MALRD1: variants seen among roughly 807,000 people sequenced by gnomAD.
MALRD1 encodes the protein MAM and LDL receptor class A domain containing 1, also known as MAM and LDL-receptor class A domain-containing protein 1.
A neutral mutation model predicts 242.1 loss-of-function variants in MALRD1; 247 were observed. That is an observed-to-expected ratio of 1.02 (90% CI 0.92 to 1.13). The LOEUF is 1.13. Ranked by LOEUF, MALRD1 falls within the 50% of genes most tolerant of loss-of-function variation. The pLI, the probability that MALRD1 is intolerant of heterozygous loss-of-function variation, is 0.00. For missense variants in MALRD1, 2,989 were observed against 2,533.1 expected, an observed-to-expected ratio of 1.18 and a Z score of -3.86; for synonymous variants, 995 against 866.6, an observed-to-expected ratio of 1.15 and a Z score of -2.60.
At chr10:19,329,278 C>G (rs1490756975) in intron 23 of MALRD1, among the ~76,000 whole-genome samples, 1 of 152,114 alleles carries the variant, frequency 6.6e-6, no homozygotes, top group African/African-American at 2.4e-5. Context: ...CTTCGTGATT[C>G]TGCCATTTTT....
Position 19,427,561 on chromosome 10 carries a change from G to A in MALRD1, c.4846-22746G>A, listed in dbSNP as rs191318985. ...AGTTCCTAGTAGTGGATGGTAGCAC[G>A]GACATCAAATTCAAACAAATCTGGG... On this transcript the variant is annotated intron_variant, in intron 28 of 39. Transcript: ENST00000454679. Among the ~76,000 whole-genome samples the A allele has an allele frequency of 7.9e-5, 12 of 152,114 alleles. No individual in the cohort carries two copies. The East Asian group carries it at 1.4e-3, about 17-fold the overall frequency.
At chr10:19,655,822 G>A (rs1414859230) in intron 36 of MALRD1, among the ~76,000 whole-genome samples, 3 of 151,982 alleles carry the variant, frequency 2.0e-5, no homozygotes, top group Admixed American at 1.3e-4. Context: ...ATTTCAGGCA[G>A]TAGAGTGTAT....
intron 21 of MALRD1, among the ~76,000 whole-genome samples, chr10:19,304,529 A>G (rs2131966673): frequency 6.6e-6 from 1 of 151,882 alleles, no homozygotes; most frequent in South Asian, 2.1e-4. Flanking sequence ...CATCAATTTC[A>G]AAGGGATACA....
At chr10:19,329,079 C>A (rs1392795718) in intron 23 of MALRD1, among the ~76,000 whole-genome samples, 1 of 152,168 alleles carries the variant, frequency 6.6e-6, no homozygotes, top group Non-Finnish European at 1.5e-5. Context: ...TTCTGAATTT[C>A]TAGTTTTTCA....
intron 26 of MALRD1, among the ~76,000 whole-genome samples, chr10:19,364,245 T>G (rs996265159): frequency 2.6e-5 from 4 of 152,130 alleles, no homozygotes; most frequent in East Asian, 1.9e-4. Context: ...ATATAATTGT[T>G]TAATAACAAC....
chr10:19,278,235 G>GT (rs1840631134), intron 19 of MALRD1, among the ~76,000 whole-genome samples: 1 of 152,118 alleles, frequency 6.6e-6, no homozygotes. Flanking sequence ...ATTCACACAA[G>GT]TTTTTTCTCA....
chr10:19,097,717 A>G (rs887736454), intron 4 of MALRD1, among the ~76,000 whole-genome samples: 11 of 152,132 alleles, frequency 7.2e-5, no homozygotes, highest in African/African-American at 2.7e-4. Context: ...CTGTTAAGGG[A>G]CCAGATTGAT....
intron 21 of MALRD1, among the ~76,000 whole-genome samples, chr10:19,288,450 C>T (rs961754713): frequency 2.6e-5 from 4 of 152,032 alleles, no homozygotes; most frequent in African/African-American, 9.7e-5. Flanking sequence ...TCCTGCTACC[C>T]TTCCCAGCAA....
intron 18 of MALRD1, among the ~76,000 whole-genome samples, chr10:19,244,299 G>A (rs778168478): frequency 6.6e-5 from 10 of 152,108 alleles, no homozygotes; most frequent in Non-Finnish European, 1.2e-4. Flanking sequence ...GTTGCTGGGC[G>A]TAGTGGCTGT....
intron 21 of MALRD1, among the ~76,000 whole-genome samples, chr10:19,284,374 T>C (rs1307744349): frequency 2.0e-5 from 3 of 149,598 alleles, no homozygotes; most frequent in Non-Finnish European, 4.4e-5. Context: ...TAGCATTAGG[T>C]ATATCTCCCA....
chr10:19,714,880 C>A (rs1834311951), intron 38 of MALRD1, among the ~76,000 whole-genome samples: 1 of 152,080 alleles, frequency 6.6e-6, no homozygotes, highest in African/African-American at 2.4e-5. Context: ...AACTATCACC[C>A]CTACCCTGAG....
chr10:19,098,530 T>G (rs1484578508), intron 4 of MALRD1, among the ~76,000 whole-genome samples: 1 of 152,240 alleles, frequency 6.6e-6, no homozygotes, highest in Non-Finnish European at 1.5e-5. Context: ...ATAATATTTA[T>G]GATAACATAT....
In MALRD1 at chr10:19,352,069, G is replaced by T. The variant is rs1354853125; in HGVS notation, c.4213G>T (p.Val1405Phe). 3.9e-6 allele frequency: 6 copies of T among 1,550,330 alleles called. No individual in the cohort carries two copies. The highest frequency in any genetic ancestry group is 5.2e-6 in the Non-Finnish European group (6 of 1,146,898). ...IGALTLMQVS[V>F]TNQTKVLLNL... ...GGCACTCACCTTAATGCAGGTGTCA[G>T]TCACAAACCAAACGAAGGTTCTACT... Residue 1405 changes from valine (V) to phenylalanine (F), a missense_variant, in exon 26 of 40, where the codon GTC (valine) becomes TTC (phenylalanine). Transcript: ENST00000454679.
chr10:19,327,877 GAT>G (rs1472007855), intron 23 of MALRD1, among the ~76,000 whole-genome samples: 1 of 152,070 alleles, frequency 6.6e-6, no homozygotes, highest in Non-Finnish European at 1.5e-5. Context: ...CTTCCAAGTA[GAT>G]ATTCGTACCT....
At chr10:19,308,677 G>C (rs973465957) in intron 21 of MALRD1, among the ~76,000 whole-genome samples, 1 of 151,472 alleles carries the variant, frequency 6.6e-6, no homozygotes, top group Non-Finnish European at 1.5e-5. Context: ...ATACCTGGCC[G>C]TACTTGTCCT....
chr10:19,717,062 G>C (rs950288855), intron 38 of MALRD1, among the ~76,000 whole-genome samples: 2 of 152,092 alleles, frequency 1.3e-5, no homozygotes, highest in Non-Finnish European at 2.9e-5. Flanking sequence ...ACTATCAGGT[G>C]TTTTATTTGA....
At chr10:19,391,800 A>C (rs1846347832) in intron 28 of MALRD1, among the ~76,000 whole-genome samples, 1 of 152,184 alleles carries the variant, frequency 6.6e-6, no homozygotes, top group South Asian at 2.1e-4. Context: ...ACTGATTGTA[A>C]AGTCTTGAGA....
rs555343202 is a variant in MALRD1, at chr10:19,598,116, G to A, written c.5944+2659G>A. The stretch of plus-strand genomic sequence containing the variant: ...ATGGGATGGATTGGAGTGAGGAAGA[G>A]GGAATGGTTAGGAGATGTCACAGTT... On this transcript the variant is annotated intron_variant, in intron 34 of 39. Coordinates refer to ENST00000454679, the MANE Select transcript of MALRD1 (RefSeq NM_001142308.3). 2.0e-5 allele frequency: 3 copies of A among 152,310 alleles called. No individual in the cohort carries two copies. In the East Asian group the frequency reaches 5.8e-4, roughly 29 times the overall value. The allele number at this position is 152,310 out of a possible 1,614,324, so 9.4% of individuals were successfully genotyped here.
At chr10:19,330,938 C>A (rs1320035453) in intron 23 of MALRD1, among the ~76,000 whole-genome samples, 4 of 151,996 alleles carry the variant, frequency 2.6e-5, no homozygotes, top group Non-Finnish European at 5.9e-5. Context: ...TGATGAATGA[C>A]AAGAATTGAG....
Sources: allele counts gnomAD v4.1 joint callset (sites outside exome capture counted in the v4.1 genomes callset), GRCh38; gene constraint gnomAD v4.1.1; transcripts MANE v1.5; gene names NCBI Gene and HGNC (gene_info 2026-07-23, HGNC 2026-07-21).